The following ATP8A2 variants were observed in gnomAD, a reference collection of about 807,000 sequenced individuals.
ATP8A2 encodes phospholipid-transporting ATPase IB.
In ATP8A2, 100 loss-of-function variants were observed where a neutral mutation model predicts 165.6. The ratio of observed to expected loss-of-function variants is 0.60; its 90% CI spans 0.51 to 0.71. ATP8A2 has a LOEUF of 0.71. Ranked by LOEUF, ATP8A2 falls within the 30% of genes least tolerant of loss-of-function variation. ATP8A2 has a pLI of 0.00. For synonymous variants in ATP8A2, 543 were observed against 548.8 expected (o/e 0.99, Z 0.15); for missense variants, 1,227 against 1,479.5 (o/e 0.83, Z 2.80).
At chr13:25,379,716 C>T (rs572804627) in intron 1 of ATP8A2, among the ~76,000 whole-genome samples, 4 of 152,260 alleles carry the variant, frequency 2.6e-5, no homozygotes, top group East Asian at 1.9e-4. Context: ...TGGGACTCGG[C>T]GGAGCGGGCC....
intron 24 of ATP8A2, among the ~76,000 whole-genome samples, chr13:25,629,726 C>G (rs1039487528): frequency 1.3e-5 from 2 of 152,168 alleles, no homozygotes; most frequent in African/African-American, 4.8e-5. Context: ...CTTCCACCCT[C>G]TGCCTTTTTA....
At chr13:25,904,690 T>C (rs757607150) in intron 33 of ATP8A2, among the ~76,000 whole-genome samples, 38 of 150,704 alleles carry the variant, frequency 2.5e-4, no homozygotes, top group Non-Finnish European at 4.6e-4. Context: ...ATGCTCTCTC[T>C]TTTTCCTCAC....
intron 2 of ATP8A2, among the ~76,000 whole-genome samples, chr13:25,512,666 T>C (rs58866430): frequency 0.73 from 94,995 of 130,758 alleles, 34,702 homozygotes; most frequent in African/African-American, 0.84. Flanking sequence ...CCGGACGGGG[T>C]GGCTGGCCGG....
At chr13:25,974,834 C>T (rs537847371) in intron 35 of ATP8A2, among the ~76,000 whole-genome samples, 1 of 152,228 alleles carries the variant, frequency 6.6e-6, no homozygotes, top group Non-Finnish European at 1.5e-5. Context: ...GCACAGTCAT[C>T]CCCCCTGGTC....
intron 1 of ATP8A2, among the ~76,000 whole-genome samples, chr13:25,384,557 G>A (rs1002107899): frequency 7.9e-5 from 12 of 152,162 alleles, no homozygotes; most frequent in Admixed American, 5.9e-4. Context: ...TTGGTAATTC[G>A]CTCTTCAGCT....
At chr13:25,450,714 A>G (rs1009726735) in intron 1 of ATP8A2, among the ~76,000 whole-genome samples, 23 of 151,844 alleles carry the variant, frequency 1.5e-4, no homozygotes, top group African/African-American at 3.4e-4. Context: ...TGTATTTTTA[A>G]TAGAGACGGG....
chr13:25,631,351 C>T (rs933600806), intron 24 of ATP8A2, among the ~76,000 whole-genome samples: 1 of 152,162 alleles, frequency 6.6e-6, no homozygotes, highest in African/African-American at 2.4e-5. Context: ...CAGCCAGTAG[C>T]TACCATATTG....
chr13:25,478,467 T>C lies in ATP8A2; in HGVS notation c.221+9346T>C, dbSNP rs200547111. Among the ~76,000 whole-genome samples, 31 of 152,266 alleles carry C rather than the reference T, an allele frequency of 2.0e-4. No homozygotes were observed. In the East Asian group the frequency reaches 4.8e-3, roughly 24 times the overall value. ...AACAAAAGGAGAGGTCTGACCATTG[T>C]GGGGATGTAGGGATGTTTAACAAAG... On this transcript the variant is annotated intron_variant, in intron 2 of 36. Transcript: ENST00000381655.
chr13:25,927,068 C>T, intron 33 of ATP8A2: 2 of 450,494 alleles, frequency 4.4e-6, no homozygotes, highest in South Asian at 3.1e-5. Flanking sequence ...TGATTTGCCT[C>T]CTACCCAGTC....
intron 33 of ATP8A2, among the ~76,000 whole-genome samples, chr13:25,907,441 A>G (rs565968683): frequency 1.5e-4 from 23 of 152,368 alleles, no homozygotes; most frequent in African/African-American, 5.0e-4. Context: ...TTTACTAACA[A>G]TTGATAGGAG....
rs147070511 is a variant in ATP8A2, at chr13:25,446,191, C to T, written c.77-22786C>T. ...CCCCTGGCTGTCCGTCCAGGCCTGC[C>T]GTCATTGTCTCCTGCCCACCCCCAA... is the stretch of plus-strand genomic sequence containing the variant. On this transcript the variant is annotated intron_variant, in intron 1 of 36. Coordinates refer to ENST00000381655, the MANE Select transcript of ATP8A2 (RefSeq NM_016529.6). Among the ~76,000 whole-genome samples, 8 of 152,214 alleles carry T rather than the reference C, an allele frequency of 5.3e-5. No homozygotes were observed. The East Asian group carries it at 5.8e-4, about 11-fold the overall frequency.
intron 35 of ATP8A2, among the ~76,000 whole-genome samples, chr13:25,969,738 T>G (rs1236205923): frequency 6.6e-6 from 1 of 152,236 alleles, no homozygotes; most frequent in African/African-American, 2.4e-5. Flanking sequence ...TTTAGTAAGT[T>G]TATTAAGCAT....
In ATP8A2 at chr13:25,941,589, C is replaced by T. The variant is rs1228377905; in HGVS notation, c.3184-19986C>T. Among the ~76,000 whole-genome samples the T allele has an allele frequency of 1.2e-4, 19 of 152,174 alleles. 1 individual carries two copies. The highest frequency in any genetic ancestry group is 2.9e-5 in the Non-Finnish European group (2 of 68,026). On this transcript the variant is annotated intron_variant, in intron 33 of 36. Transcript: ENST00000381655. ...GCTCTGCCCTAGAAGTATCTCCTCA[C>T]CCGTCCCATCCTGACCAATTGCTGC...
intron 36 of ATP8A2, among the ~76,000 whole-genome samples, chr13:26,019,222 C>T (rs944693234): frequency 3.3e-5 from 5 of 151,460 alleles, no homozygotes; most frequent in Admixed American, 1.3e-4. Flanking sequence ...GGTGAAACCC[C>T]GTCTCTACTA....
At chr13:25,692,058 G>T (rs2042736128) in intron 24 of ATP8A2, among the ~76,000 whole-genome samples, 2 of 152,172 alleles carry the variant, frequency 1.3e-5, no homozygotes, top group African/African-American at 2.4e-5. Flanking sequence ...GGTGTGAGAG[G>T]CTGGGCAGGG....
rs576445666 is a variant in ATP8A2 at position 25,630,781 on chromosome 13, A to T, written c.2211+41082A>T. Among the ~76,000 whole-genome samples, 3 of 152,108 alleles carry T rather than the reference A, an allele frequency of 2.0e-5. No individual in the cohort carries two copies. The South Asian group carries it at 6.2e-4, about 32-fold the overall frequency. On this transcript the variant is annotated intron_variant, in intron 24 of 36. Transcript: ENST00000381655. ...GCAATGTGCCTGGCTAATGAATAGG[A>T]TGTTTATTTTCTGTTACTACTCTGG...
At chr13:25,936,545 A>G (rs533360848) in intron 33 of ATP8A2, among the ~76,000 whole-genome samples, 9 of 152,254 alleles carry the variant, frequency 5.9e-5, no homozygotes, top group Non-Finnish European at 1.3e-4. Context: ...CTAAATGAGG[A>G]AGGGAAATAA....
chr13:25,537,936 T>G, intron 6 of ATP8A2, 52 bp from the exon 7 acceptor site: 1 of 1,259,466 alleles, frequency 7.9e-7, no homozygotes, highest in Non-Finnish European at 1.2e-6. Context: ...TCACCATGTG[T>G]GTTTTGTTTC....
chr13:25,955,444 A>G lies in ATP8A2; in HGVS notation c.3184-6131A>G, dbSNP rs868632749. 3.3e-5 allele frequency among the ~76,000 whole-genome samples: 5 copies of G among 152,362 alleles called. No individual in the cohort carries two copies. In the Middle Eastern group the frequency reaches 0.014, roughly 415 times the overall value. On this transcript the variant is annotated intron_variant, in intron 33 of 36. Coordinates refer to ENST00000381655, the MANE Select transcript of ATP8A2 (RefSeq NM_016529.6). Reference sequence around the variant, plus strand: ...CACAATGAAAAATGATCAAGGGGATATCACCACTGATCCCATAGAAATACA... The same window carrying G: ...CACAATGAAAAATGATCAAGGGGATGTCACCACTGATCCCATAGAAATACA...
Sources: gnomAD v4.1 joint callset for allele counts (sites outside exome capture counted in the v4.1 genomes callset) on GRCh38, gnomAD v4.1.1 for gene constraint, MANE v1.5 for transcripts, NCBI Gene and HGNC (gene_info 2026-07-23, HGNC 2026-07-21) for gene names.